Variants in AGMO observed in about 807,000 individuals in gnomAD.
AGMO encodes the protein alkylglycerol monooxygenase, also known as glyceryl-ether monooxygenase.
A neutral mutation model predicts 60.2 loss-of-function variants in AGMO; 75 were observed. The observed-to-expected ratio is 1.25, with a 90% CI of 1.03 to 1.51. The LOEUF (loss-of-function observed/expected upper bound fraction) is 1.51, where lower values mean the gene tolerates loss of function less well. Among genes scored for constraint, AGMO ranks in the 40% most tolerant of loss-of-function variants. AGMO has a pLI of 0.00. For synonymous variants in AGMO, 261 were observed against 177.1 expected (o/e 1.47, Z -3.76); for missense variants, 763 against 525.5 (o/e 1.45, Z -4.42).
chr7:15,273,901 TATC>T (rs1346687398), intron 12 of AGMO, among the ~76,000 whole-genome samples: 1 of 152,136 alleles, frequency 6.6e-6, no homozygotes, highest in African/African-American at 2.4e-5. Context: ...ATGGGAGTTC[TATC>T]ATGATTTGGC....
At chr7:15,460,796 C>A (rs982613796) in intron 3 of AGMO, among the ~76,000 whole-genome samples, 3 of 151,846 alleles carry the variant, frequency 2.0e-5, no homozygotes, top group Non-Finnish European at 4.4e-5. Flanking sequence ...TGAAGTACTC[C>A]AGATAAAATA....
intron 12 of AGMO, among the ~76,000 whole-genome samples, chr7:15,283,890 C>A (rs1405782584): frequency 6.6e-6 from 1 of 151,924 alleles, no homozygotes; most frequent in Non-Finnish European, 1.5e-5. Flanking sequence ...CCTTCTCAGA[C>A]CACAGTGGAA....
intron 3 of AGMO, among the ~76,000 whole-genome samples, chr7:15,527,026 A>C (rs1355814393): frequency 1.3e-5 from 2 of 152,016 alleles, no homozygotes; most frequent in African/African-American, 4.8e-5. Context: ...TCTCTCTCTC[A>C]TTGTGCCTCC....
chr7:15,250,555 A>G lies in AGMO; in HGVS notation c.1264-49196T>C, dbSNP rs1020266967. 5.7e-5 allele frequency among the ~76,000 whole-genome samples: 3 copies of G among 52,282 alleles called. No homozygotes were observed. The South Asian group carries it at 1.2e-3, about 21-fold the overall frequency. The allele number at this position is 52,282 out of a possible 152,430, so 34.3% of individuals were successfully genotyped here. A position where few individuals can be genotyped will look rare whatever the true frequency, so the allele number is the denominator to read the frequency against. On this transcript the variant is annotated intron_variant, in intron 12 of 12. Transcript: ENST00000342526. ...AAATTGAAGTACACACACACACACT[A>G]AACACACACACACACACACACACAC...
intron 2 of AGMO, among the ~76,000 whole-genome samples, chr7:15,549,007 A>G (rs1784869345): frequency 1.3e-5 from 2 of 151,036 alleles, no homozygotes; most frequent in Non-Finnish European, 1.5e-5. Context: ...GTGGGGGCCA[A>G]TATTCAACAT....
At chr7:15,396,544 T>G (rs111338456) in intron 5 of AGMO, 1 of 152,178 alleles carries the variant, frequency 6.6e-6, no homozygotes, top group Non-Finnish European at 1.5e-5. Flanking sequence ...AGAACAAAGC[T>G]ACCACAACGA....
intron 12 of AGMO, among the ~76,000 whole-genome samples, chr7:15,249,850 A>G (rs73679457): frequency 0.011 from 1,616 of 152,332 alleles, 30 homozygotes; most frequent in African/African-American, 0.037. Context: ...ATGACTTAAT[A>G]TCATAGGTTC....
At chr7:15,382,878 T>C (rs1212553417) in intron 10 of AGMO, among the ~76,000 whole-genome samples, 2 of 152,162 alleles carry the variant, frequency 1.3e-5, no homozygotes, top group Non-Finnish European at 2.9e-5. Flanking sequence ...AGATACTTTG[T>C]TTGAAAACAA....
At chr7:15,405,343 T>C (rs1349451348) in intron 5 of AGMO, among the ~76,000 whole-genome samples, 1 of 151,890 alleles carries the variant, frequency 6.6e-6, no homozygotes, top group Non-Finnish European at 1.5e-5. Flanking sequence ...TACAACATAG[T>C]TATTATCCTC....
intron 3 of AGMO, among the ~76,000 whole-genome samples, chr7:15,506,844 A>G (rs564194475): frequency 1.3e-5 from 2 of 151,906 alleles, no homozygotes; most frequent in Non-Finnish European, 2.9e-5. Context: ...CCTAAAAACA[A>G]CAAAAAAGAG....
chr7:15,261,331 T>C (rs1025350351), intron 12 of AGMO, among the ~76,000 whole-genome samples: 1 of 152,060 alleles, frequency 6.6e-6, no homozygotes, highest in Non-Finnish European at 1.5e-5. Flanking sequence ...CTACAAGTGA[T>C]ACCACAGAAA....
In AGMO at chr7:15,383,311, T is replaced by C. The variant is rs574700418; in HGVS notation, c.1074+2135A>G. On this transcript the variant is annotated intron_variant, in intron 10 of 12. Transcript: ENST00000342526. ...GAAGTAAAGAAGATTCCTGATGACA[T>C]TATTTGCCCTCTTGGGTCCGCACTG... Among the ~76,000 whole-genome samples, 92 of 152,294 alleles carry C rather than the reference T, an allele frequency of 6.0e-4. 1 individual carries two copies. Among genetic ancestry groups the C allele is most frequent in the Non-Finnish European group, 1.1e-3 (75 of 68,022 alleles).
intron 3 of AGMO, among the ~76,000 whole-genome samples, chr7:15,453,080 G>A (rs1190630794): frequency 6.6e-6 from 1 of 151,244 alleles, no homozygotes; most frequent in Non-Finnish European, 1.5e-5. Flanking sequence ...GAGGGGAAAT[G>A]GGAAGTCATT....
chr7:15,242,439 G>A (rs9784982), intron 12 of AGMO, among the ~76,000 whole-genome samples: 133,370 of 152,202 alleles, frequency 0.88, 58,765 homozygotes, highest in African/African-American at 0.97. Context: ...AGTGTTTGGA[G>A]TAAAATTATC....
At chr7:15,513,225 T>C (rs1223567343) in intron 3 of AGMO, among the ~76,000 whole-genome samples, 1 of 152,228 alleles carries the variant, frequency 6.6e-6, no homozygotes, top group Non-Finnish European at 1.5e-5. Context: ...AATTGAGACA[T>C]AGACGAACAT....
In AGMO at chr7:15,366,119, TG is replaced by T. The variant is rs1562461559; in HGVS notation, c.1157+20del. ...TTGAATTGAGTAAAAGTAAAAACAA[TG>T]CAAGAATTTCACTTCTTGCCTTTGA... On this transcript the variant is annotated intron_variant, in intron 11 of 12. Transcript: ENST00000342526. The T allele has an allele frequency of 7.6e-6, 12 of 1,571,344 alleles. No homozygotes were observed. Among genetic ancestry groups the T allele is most frequent in the Non-Finnish European group, 1.0e-5 (12 of 1,149,856 alleles).
chr7:15,290,847 AC>A (rs1489069399), intron 12 of AGMO, among the ~76,000 whole-genome samples: 2 of 152,216 alleles, frequency 1.3e-5, no homozygotes, highest in Non-Finnish European at 2.9e-5. Context: ...ACACTAGACC[AC>A]CTGATTCAGA....
At position 15,277,259 on chromosome 7, in the gene AGMO, C is replaced by T. The variant is rs117169368; in HGVS notation, c.1264-75900G>A. On this transcript the variant is annotated intron_variant, in intron 12 of 12. Transcript: ENST00000342526. ...GGCAGAGGTGTCAGTGAGTACAGAT[C>T]ATGCCATTGCACTCCAACATGGGTT... Among the ~76,000 whole-genome samples, 115 of 151,906 alleles carry T rather than the reference C, an allele frequency of 7.6e-4. 1 individual carries two copies. In the East Asian group the frequency reaches 0.018, roughly 24 times the overall value.
At chr7:15,302,565 G>A (rs182069790) in intron 12 of AGMO, among the ~76,000 whole-genome samples, 61 of 152,184 alleles carry the variant, frequency 4.0e-4, no homozygotes, top group African/African-American at 1.4e-3. Context: ...TAAAATCTTT[G>A]AAAATGACAA....
Sources: gnomAD v4.1 joint callset for allele counts (sites outside exome capture counted in the v4.1 genomes callset) on GRCh38, gnomAD v4.1.1 for gene constraint, MANE v1.5 for transcripts, NCBI Gene and HGNC (gene_info 2026-07-23, HGNC 2026-07-21) for gene names.